ZSCAN12: variants seen among roughly 807,000 people sequenced by gnomAD.
The protein encoded by ZSCAN12 is zinc finger and SCAN domain containing 12, also known as zinc finger and SCAN domain-containing protein 12.
ZSCAN12 carries 18 observed loss-of-function variants against 23.4 expected under a neutral mutation model. The ratio of observed to expected loss-of-function variants is 0.77; its 90% confidence interval spans 0.53 to 1.14. The LOEUF is 1.14. Among genes scored for constraint, ZSCAN12 ranks in the 50% most tolerant of loss-of-function variants. The pLI, the probability that ZSCAN12 is intolerant of heterozygous loss-of-function variation, is 0.00. For synonymous variants in ZSCAN12, 186 were observed against 253.4 expected, an observed-to-expected ratio of 0.73 and a Z score of 2.53; for missense variants, 650 against 735.0, an observed-to-expected ratio of 0.88 and a Z score of 1.34.
intron 2 of ZSCAN12, among the ~76,000 whole-genome samples, chr6:28,393,889 A>C (rs755656576): frequency 5.4e-4 from 82 of 152,108 alleles, no homozygotes; most frequent in Non-Finnish European, 9.6e-4. Context: ...CTCTGGGAAG[A>C]TTATCTTATT....
downstream of ZSCAN12, among the ~76,000 whole-genome samples, chr6:28,383,839 C>A (rs1296538958): frequency 6.6e-6 from 1 of 152,188 alleles, no homozygotes; most frequent in Non-Finnish European, 1.5e-5. Context: ...GTGCAGCAGT[C>A]TGGGAAACAT....
chr6:28,396,604 G>A (rs1761120567), intron 2 of ZSCAN12, among the ~76,000 whole-genome samples: 1 of 151,584 alleles, frequency 6.6e-6, no homozygotes, highest in African/African-American at 2.4e-5. Flanking sequence ...TTTTCTGTTT[G>A]TTTGTTTGTT....
downstream of ZSCAN12, chr6:28,382,174 GGAT>G (rs149811146): frequency 0.02 from 4,291 of 214,988 alleles, 92 homozygotes; most frequent in African/African-American, 0.066. Flanking sequence ...TCCACATTCT[GGAT>G]GATATTATCT....
rs1190085160 is a variant in ZSCAN12 at position 28,386,178 on chromosome 6, C to G, written c.*4276G>C. Reference sequence around the variant, plus strand: ...ACCTCACTTTTCATTACTTTAGAAACTTGGCTCTTCCCCAACCTCTCCATG... The same window carrying G: ...ACCTCACTTTTCATTACTTTAGAAAGTTGGCTCTTCCCCAACCTCTCCATG... On this transcript the variant is annotated 3_prime_UTR_variant, in exon 4 of 4. Coordinates refer to ENST00000684592, the MANE Select transcript of ZSCAN12 (RefSeq NM_001163391.2). 6.6e-6 allele frequency among the ~76,000 whole-genome samples: 1 copy of G among 152,200 alleles called. No homozygotes were observed. Among genetic ancestry groups the G allele is most frequent in the Non-Finnish European group, 1.5e-5 (1 of 68,032 alleles).
chr6:28,396,581 G>A (rs972178319), intron 2 of ZSCAN12, among the ~76,000 whole-genome samples: 5 of 151,738 alleles, frequency 3.3e-5, no homozygotes, highest in East Asian at 3.9e-4. Context: ...ACACTTTCAC[G>A]ATCCTATTTC....
downstream of ZSCAN12, chr6:28,382,751 C>T (rs1369272111): frequency 1.5e-6 from 2 of 1,347,546 alleles, no homozygotes; most frequent in Non-Finnish European, 1.9e-6. Flanking sequence ...AAAGTGACTG[C>T]AAATTATTAG....
rs777598022 is a variant in ZSCAN12 at position 28,390,761 on chromosome 6, G to C, written c.1529C>G (p.Ser510Ter). 6.2e-7 allele frequency: 1 copy of C among 1,608,676 alleles called. No individual in the cohort carries two copies. The highest frequency in any genetic ancestry group is 1.1e-5 in the South Asian group (1 of 90,276). ...GATTCTCTGATGTTCCGTGAGGACT[G>C]ATCTTTGAGTAAACGCCTTCCCACA... Reference protein sequence around the residue: ...DKCGKAFTQRSVLTEHQRIHT... With the variant: ...DKCGKAFTQR Residue 510 changes from serine (S) to a stop codon, truncating the protein, a stop_gained, in exon 4 of 4, where the codon TCA becomes TGA. Transcript: ENST00000684592. LOFTEE classifies it low-confidence loss of function (END_TRUNC).
rs118137278 is a variant in ZSCAN12, at chr6:28,379,132, T to C, written c.*3357A>G. On this transcript the variant is annotated 3_prime_UTR_variant, in exon 5 of 5. Transcript: ENST00000361028. ...CTTACTCTCCTATCATGGGTAGAGA[T>C]TGGGCTACATTATCAACTTGTTGAC... 10 of 152,252 alleles carry C rather than the reference T, an allele frequency of 6.6e-5. No individual in the cohort carries two copies. In the East Asian group the frequency reaches 1.5e-3, roughly 24 times the overall value. 9.4% of individuals were successfully genotyped at this position (152,252 alleles called of 1,614,324 possible).
intron 3 of ZSCAN12, among the ~76,000 whole-genome samples, 172 bp downstream of exon 3, chr6:28,392,730 A>T (rs1426704210): frequency 1.3e-5 from 2 of 152,216 alleles, no homozygotes. Context: ...ACAAAAAAGT[A>T]AGGGTTGAAG....
At position 28,388,060 on chromosome 6, in the gene ZSCAN12, T is replaced by C. The variant is rs1181834721; in HGVS notation, c.*2394A>G. On this transcript the variant is annotated 3_prime_UTR_variant, in exon 4 of 4. Transcript: ENST00000684592. ...TGGTTACAAGTTTGCATTCTCATTA[T>C]GTGAGAAATGGGAGGCAGGGTAAAC... Among the ~76,000 whole-genome samples the C allele has an allele frequency of 6.6e-6, 1 of 152,214 alleles. No individual in the cohort carries two copies. The highest frequency in any genetic ancestry group is 1.5e-5 in the Non-Finnish European group (1 of 68,034).
Position 28,398,006 on chromosome 6 carries a change from G to C in ZSCAN12, c.400C>G (p.Gln134Glu), listed in dbSNP as rs750713503. The C allele has an allele frequency of 5.7e-6, 9 of 1,569,710 alleles. 1 individual carries two copies. Among genetic ancestry groups the C allele is most frequent in the Non-Finnish European group, 7.8e-6 (9 of 1,160,786 alleles). Reference sequence around the variant, plus strand: ...AGAAGTCACATCTTTTTTCTCACCTGCTCTCCTGGTTCATCCAGTTCTCTC... The same window carrying C: ...AGAAGTCACATCTTTTTTCTCACCTCCTCTCCTGGTTCATCCAGTTCTCTC... ...LERELDEPGE[Q>E]VSVHTGEQEM... The change falls in exon 2 of 4, where the codon CAG (glutamine) becomes GAG (glutamate). Residue 134 changes from glutamine to glutamate, a missense_variant and splice_region_variant. By Grantham distance (29) the Gln-to-Glu change is conservative. Transcript: ENST00000684592.
rs1247226553 is a variant in ZSCAN12 at position 28,389,930 on chromosome 6, T to C, written c.*524A>G. Among the ~76,000 whole-genome samples the C allele has an allele frequency of 2.0e-5, 3 of 152,240 alleles. No individual in the cohort carries two copies. The highest frequency in any genetic ancestry group is 2.1e-4 in the South Asian group (1 of 4,830). The stretch of plus-strand genomic sequence containing the variant: ...GCTGTTTCCAACTTAATGCTATTGA[T>C]TGCCCAATTTGCACGAACCTTTTAC... On this transcript the variant is annotated 3_prime_UTR_variant, in exon 4 of 4. Coordinates refer to ENST00000684592, the MANE Select transcript of ZSCAN12 (RefSeq NM_001163391.2).
At chr6:28,381,755 T>A (rs1581756577), downstream of ZSCAN12, 1 of 152,238 alleles carries the variant, frequency 6.6e-6, no homozygotes, top group East Asian at 1.9e-4. Context: ...TTAGGTTTGA[T>A]CTGAAACCTT....
Position 28,387,653 on chromosome 6 carries a change from G to A in ZSCAN12, c.*2801C>T, listed in dbSNP as rs1018938604. ...GCTAATTTTAGAGCAGAGATAATAT[G>A]CAAAAACAGCAATCATGTAGTTTTA... is the stretch of plus-strand genomic sequence containing the variant. On this transcript the variant is annotated 3_prime_UTR_variant, in exon 4 of 4. Transcript: ENST00000684592. 1.3e-5 allele frequency among the ~76,000 whole-genome samples: 2 copies of A among 152,124 alleles called. No homozygotes were observed. The highest frequency in any genetic ancestry group is 2.9e-5 in the Non-Finnish European group (2 of 68,028).
downstream of ZSCAN12, chr6:28,382,533 A>AG (rs1232074560): frequency 3.2e-6 from 5 of 1,551,924 alleles, no homozygotes; most frequent in Non-Finnish European, 4.4e-6. Flanking sequence ...GGAATGAGAG[A>AG]GCTCAGGAGA....
intron 2 of ZSCAN12, 126 bp downstream of exon 2, chr6:28,397,878 T>G: frequency 8.3e-7 from 1 of 1,206,802 alleles, no homozygotes; most frequent in Non-Finnish European, 1.1e-6. Flanking sequence ...TCCGTGAAAC[T>G]CATGCCCCTT....
chr6:28,383,945 AAAGCACTAATGTGCC>A (rs1349858759), downstream of ZSCAN12, among the ~76,000 whole-genome samples: 1 of 152,228 alleles, frequency 6.6e-6, no homozygotes, highest in East Asian at 1.9e-4. Flanking sequence ...TAGCAGTTGT[AAAGCACTAATGTGCC>A]AAGCACTATT....
intron 3 of ZSCAN12, among the ~76,000 whole-genome samples, chr6:28,392,324 C>T (rs1008368490): frequency 7.2e-5 from 11 of 151,956 alleles, no homozygotes; most frequent in African/African-American, 2.7e-4. Context: ...ATTACAGGCA[C>T]GCGCCACCAT....
At position 28,391,474 on chromosome 6, in the gene ZSCAN12, T is replaced by G. The variant is rs1293019970; in HGVS notation, c.816A>C (p.Glu272Asp). Reference protein sequence around the residue: ...TEHQRICPGEESYGCDDCGKA... With the variant: ...TEHQRICPGEDSYGCDDCGKA... ...TTCCACAGTCATCACATCCGTAAGA[T>G]TCTTCTCCTGGACAGATTCTCTGAT... Residue 272 changes from glutamate to aspartate, a missense_variant, in exon 4 of 4, where the codon GAA becomes GAC. Glu to Asp is a conservative substitution (Grantham distance 45). Transcript: ENST00000684592. The surrounding 1 kb of genome is among the most constrained non-coding windows in gnomAD (Gnocchi z 4.1). 1.3e-6 allele frequency: 2 copies of G among 1,551,804 alleles called. No individual in the cohort carries two copies. Among genetic ancestry groups the G allele is most frequent in the East Asian group, 4.9e-5 (2 of 40,932 alleles).
Sources: allele counts gnomAD v4.1 joint callset (sites outside exome capture counted in the v4.1 genomes callset), GRCh38; gene constraint gnomAD v4.1.1; non-coding constraint Gnocchi (gnomAD v3.1); transcripts MANE v1.5; gene names NCBI Gene and HGNC (gene_info 2026-07-23, HGNC 2026-07-21).